HTR1F: variants seen among roughly 807,000 people sequenced by gnomAD.
HTR1F encodes 5-hydroxytryptamine receptor 1F.
A neutral mutation model predicts 24.0 loss-of-function variants in HTR1F; 17 were observed. The ratio of observed to expected loss-of-function variants is 0.71; its 90% confidence interval spans 0.48 to 1.06. The LOEUF (loss-of-function observed/expected upper bound fraction) is 1.06, where lower values mean the gene tolerates loss of function less well. HTR1F is among the 50% of genes least tolerant of loss of function. The pLI is 0.00. For synonymous variants in HTR1F, 186 were observed against 156.8 expected (o/e 1.19, Z -1.39); for missense variants, 391 against 427.8 (o/e 0.91, Z 0.76).
chr3:87,829,805 G>T (rs1288305667), intron 2 of HTR1F, among the ~76,000 whole-genome samples: 1 of 152,102 alleles, frequency 6.6e-6, no homozygotes, highest in Non-Finnish European at 1.5e-5. Flanking sequence ...ATTTATTCTT[G>T]TAATTTACCC....
intron 2 of HTR1F, among the ~76,000 whole-genome samples, chr3:87,954,269 C>A (rs1427167020): frequency 6.6e-6 from 1 of 151,732 alleles, no homozygotes; most frequent in Non-Finnish European, 1.5e-5. Flanking sequence ...TTGATCATTA[C>A]ACATTATGTA....
intron 2 of HTR1F, among the ~76,000 whole-genome samples, chr3:87,865,144 C>T (rs7647226): frequency 0.071 from 10,748 of 152,012 alleles, 1,211 homozygotes; most frequent in African/African-American, 0.24. Flanking sequence ...CATTTTAAAA[C>T]TTATTGGTGA....
intron 2 of HTR1F, among the ~76,000 whole-genome samples, chr3:87,885,564 T>G (rs1705919361): frequency 6.6e-6 from 1 of 151,822 alleles, no homozygotes; most frequent in South Asian, 2.1e-4. Flanking sequence ...GCTGTTTTTT[T>G]GAAACAATCA....
chr3:87,944,697 T>C (rs1205365882), intron 2 of HTR1F, among the ~76,000 whole-genome samples: 1 of 152,252 alleles, frequency 6.6e-6, no homozygotes, highest in Admixed American at 6.5e-5. Flanking sequence ...CTTTGTGCTT[T>C]TTTTGACTTA....
intron 2 of HTR1F, among the ~76,000 whole-genome samples, chr3:87,875,433 G>C (rs564173131): frequency 6.7e-6 from 1 of 149,954 alleles, no homozygotes; most frequent in East Asian, 2.0e-4. Context: ...CTGAGCTACA[G>C]AACAAGACTC....
At chr3:87,948,514 C>T (rs1452129834) in intron 2 of HTR1F, among the ~76,000 whole-genome samples, 2 of 151,854 alleles carry the variant, frequency 1.3e-5, no homozygotes, top group African/African-American at 4.8e-5. Flanking sequence ...CAGGACCTCA[C>T]TCTGTTGCCC....
chr3:87,871,858 C>G (rs984299133), intron 2 of HTR1F, among the ~76,000 whole-genome samples: 3 of 151,932 alleles, frequency 2.0e-5, no homozygotes, highest in African/African-American at 7.3e-5. Context: ...AACAACCAGG[C>G]AGAAGATCAA....
At chr3:87,909,823 T>G (rs929850841) in intron 2 of HTR1F, among the ~76,000 whole-genome samples, 8 of 152,014 alleles carry the variant, frequency 5.3e-5, no homozygotes, top group Admixed American at 1.3e-4. Flanking sequence ...CTGCTGATGC[T>G]CCAGCCATTA....
At chr3:87,887,554 G>A (rs1258698823) in intron 2 of HTR1F, among the ~76,000 whole-genome samples, 1 of 152,152 alleles carries the variant, frequency 6.6e-6, no homozygotes, top group African/African-American at 2.4e-5. Context: ...CAGAATGGGA[G>A]AAAATTTTTG....
At chr3:87,911,135 G>A (rs62267047) in intron 2 of HTR1F, among the ~76,000 whole-genome samples, 8,473 of 151,902 alleles carry the variant, frequency 0.056, 316 homozygotes, top group Non-Finnish European at 0.088. Flanking sequence ...TTAATCGAAA[G>A]AGATCAAGAC....
intron 2 of HTR1F, among the ~76,000 whole-genome samples, chr3:87,877,931 T>C (rs1705706772): frequency 6.6e-6 from 1 of 152,218 alleles, no homozygotes; most frequent in South Asian, 2.1e-4. Flanking sequence ...CAATGAATTA[T>C]ATAAAGTTTA....
At chr3:87,874,971 A>G (rs1705637837) in intron 2 of HTR1F, among the ~76,000 whole-genome samples, 1 of 152,232 alleles carries the variant, frequency 6.6e-6, no homozygotes, top group Admixed American at 6.5e-5. Context: ...TACACCATAT[A>G]CAAAAATCAA....
intron 2 of HTR1F, among the ~76,000 whole-genome samples, chr3:87,938,608 A>G (rs1704485343): frequency 1.3e-5 from 2 of 152,176 alleles, no homozygotes; most frequent in African/African-American, 4.8e-5. Flanking sequence ...CAAATGGAAG[A>G]AAATAGAGAG....
chr3:87,903,004 G>T (rs1326091487), intron 2 of HTR1F, among the ~76,000 whole-genome samples: 1 of 151,174 alleles, frequency 6.6e-6, no homozygotes, highest in Non-Finnish European at 1.5e-5. Flanking sequence ...TGACAAACCT[G>T]AGAAAAACAA....
Position 87,991,053 on chromosome 3 carries a change from G to A in HTR1F, c.304G>A (p.Val102Ile), listed in dbSNP as rs1242771952. The A allele has an allele frequency of 2.5e-6, 4 of 1,613,990 alleles. No individual in the cohort carries two copies. Among genetic ancestry groups the A allele is most frequent in the Non-Finnish European group, 2.5e-6 (3 of 1,180,034 alleles). ...GQVVCDIWLS[V>I]DITCCTCSIL... is the part of the protein sequence containing the mutation. Reference sequence around the variant, plus strand: ...AGTGGTCTGTGACATTTGGCTGAGTGTTGACATTACCTGCTGCACGTGCTC... The same window carrying A: ...AGTGGTCTGTGACATTTGGCTGAGTATTGACATTACCTGCTGCACGTGCTC... The change falls in exon 3 of 3, where the codon GTT becomes ATT. Residue 102 changes from valine (V) to isoleucine (I), a missense_variant. Val to Ile is a conservative substitution (Grantham distance 29). Transcript: ENST00000319595.
intron 2 of HTR1F, among the ~76,000 whole-genome samples, chr3:87,840,644 C>T (rs1704782406): frequency 6.7e-6 from 1 of 150,066 alleles, no homozygotes; most frequent in Non-Finnish European, 1.5e-5. Flanking sequence ...GATATCCACA[C>T]CCCCATATTT....
chr3:87,871,250 G>GA (rs1245981494), intron 2 of HTR1F, among the ~76,000 whole-genome samples: 1 of 151,712 alleles, frequency 6.6e-6, no homozygotes, highest in African/African-American at 2.4e-5. Context: ...TGGAGCTGAA[G>GA]AATACAACAA....
At chr3:87,874,657 A>G (rs1705631094) in intron 2 of HTR1F, among the ~76,000 whole-genome samples, 1 of 152,070 alleles carries the variant, frequency 6.6e-6, no homozygotes, top group African/African-American at 2.4e-5. Context: ...CCTAAAATTA[A>G]TATGGAATCT....
intron 2 of HTR1F, among the ~76,000 whole-genome samples, chr3:87,874,079 G>A (rs764884716): frequency 1.2e-4 from 18 of 152,076 alleles, no homozygotes; most frequent in Non-Finnish European, 1.6e-4. Flanking sequence ...ACAAGGAGAT[G>A]TCCACTTTCA....
Sources: allele counts gnomAD v4.1 joint callset (sites outside exome capture counted in the v4.1 genomes callset), GRCh38; gene constraint gnomAD v4.1.1; transcripts MANE v1.5; gene names NCBI Gene and HGNC (gene_info 2026-07-23, HGNC 2026-07-21).